KYAT1: variants seen among roughly 807,000 people sequenced by gnomAD.
The protein encoded by KYAT1 is kynurenine--oxoglutarate transaminase 1.
KYAT1 carries 47 observed loss-of-function variants against 52.4 expected under a neutral mutation model. That is an observed-to-expected ratio of 0.90 (90% confidence interval 0.71 to 1.14). The LOEUF (loss-of-function observed/expected upper bound fraction) is 1.14. Among genes scored for constraint, KYAT1 ranks in the 50% most tolerant of loss-of-function variants. The pLI is 0.00. For missense variants in KYAT1, 480 were observed against 557.9 expected (o/e 0.86, Z 1.41); for synonymous variants, 212 against 209.6 (o/e 1.01, Z -0.10).
intron 1 of KYAT1, among the ~76,000 whole-genome samples, chr9:128,852,063 A>G (rs2119304401): frequency 6.6e-6 from 1 of 152,302 alleles, no homozygotes; most frequent in Middle Eastern, 3.4e-3. Context: ...TATGGGTCAA[A>G]CAGTGGCCAC....
At chr9:128,834,086 C>T (rs1358139322) in intron 11 of KYAT1, among the ~76,000 whole-genome samples, 2 of 152,216 alleles carry the variant, frequency 1.3e-5, no homozygotes, top group East Asian at 3.9e-4. Flanking sequence ...GGCTAAACCC[C>T]GTCTCTACCA....
intron 1 of KYAT1, among the ~76,000 whole-genome samples, chr9:128,868,662 G>A (rs1258395703): frequency 2.0e-5 from 3 of 151,048 alleles, no homozygotes; most frequent in Non-Finnish European, 4.4e-5. Flanking sequence ...TCAATTTCCT[G>A]AGTAGCTGGG....
chr9:128,861,314 G>A (rs1041617911), intron 1 of KYAT1, among the ~76,000 whole-genome samples: 1 of 152,118 alleles, frequency 6.6e-6, no homozygotes, highest in Non-Finnish European at 1.5e-5. Context: ...CTGTGCTGGC[G>A]ATAATGAGTG....
chr9:128,841,500 C>T (rs1380183963), intron 3 of KYAT1, among the ~76,000 whole-genome samples: 1 of 150,624 alleles, frequency 6.6e-6, no homozygotes, highest in African/African-American at 2.4e-5. Flanking sequence ...CAGACTCCAG[C>T]CGGGGCGACA....
intron 6 of KYAT1, 46 bp from the exon 7 acceptor site, chr9:128,836,968 C>T: frequency 6.3e-7 from 1 of 1,593,688 alleles, no homozygotes; most frequent in South Asian, 1.1e-5. Context: ...GGGACCGTCC[C>T]CAAACACAGA....
At position 128,846,627 on chromosome 9, in the gene KYAT1, A is replaced by T. The variant is rs1388245274; in HGVS notation, c.-6-1216T>A. 11 of 1,018,972 alleles carry T rather than the reference A, an allele frequency of 1.1e-5. No individual in the cohort carries two copies. The African/African-American group carries it at 1.5e-4, about 14-fold the overall frequency. 63.1% of individuals were successfully genotyped at this position (1,018,972 alleles called of 1,614,324 possible). On this transcript the variant is annotated intron_variant, in intron 1 of 12. Coordinates refer to ENST00000302586, the MANE Select transcript of KYAT1 (RefSeq NM_004059.5). ...AAAAAAAAAAAAAAAAAAAAAAAAGAAAGAAAGAAATTGGCCAGACCTGAG... is the reference window on the plus strand; with the variant it reads ...AAAAAAAAAAAAAAAAAAAAAAAAGTAAGAAAGAAATTGGCCAGACCTGAG...
At chr9:128,872,449 A>G (rs967579639) in intron 1 of KYAT1, among the ~76,000 whole-genome samples, 9 of 151,068 alleles carry the variant, frequency 6.0e-5, no homozygotes, top group Non-Finnish European at 1.2e-4. Context: ...GACTCAAAAA[A>G]AACAAAACAA....
chr9:128,876,493 C>G (rs1319884843), intron 1 of KYAT1, among the ~76,000 whole-genome samples: 1 of 147,544 alleles, frequency 6.8e-6, no homozygotes, highest in East Asian at 2.0e-4. Context: ...TCTCAGCTAA[C>G]TGGAAGCTCC....
intron 1 of KYAT1, among the ~76,000 whole-genome samples, chr9:128,847,070 C>T (rs543653214): frequency 3.1e-3 from 474 of 152,268 alleles, no homozygotes; most frequent in Non-Finnish European, 6.0e-3. Flanking sequence ...AACACCAGGC[C>T]CCCCTGTCCT....
intron 1 of KYAT1, among the ~76,000 whole-genome samples, chr9:128,857,171 A>C (rs10115947): frequency 0.035 from 5,325 of 152,256 alleles, 100 homozygotes; most frequent in Middle Eastern, 0.078. Context: ...CCTTGAACTT[A>C]ATTATGACAT....
At chr9:128,864,174 A>G (rs1416921459) in intron 1 of KYAT1, among the ~76,000 whole-genome samples, 2 of 151,938 alleles carry the variant, frequency 1.3e-5, no homozygotes, top group African/African-American at 4.8e-5. Context: ...TGTCCTGGCT[A>G]ACACAGTGAA....
At chr9:128,839,582 G>A (rs915378874) in intron 3 of KYAT1, among the ~76,000 whole-genome samples, 1 of 151,842 alleles carries the variant, frequency 6.6e-6, no homozygotes, top group African/African-American at 2.4e-5. Flanking sequence ...CCGAGATCGC[G>A]CCACTGCACT....
At chr9:128,875,244 T>G (rs1588161603) in intron 1 of KYAT1, among the ~76,000 whole-genome samples, 1 of 148,798 alleles carries the variant, frequency 6.7e-6, no homozygotes, top group African/African-American at 2.6e-5. Context: ...ATTTGTTTTT[T>G]TTTGTTTTTT....
Position 128,849,665 on chromosome 9 carries a change from T to C in KYAT1, c.-6-4254A>G, listed in dbSNP as rs767849697. On this transcript the variant is annotated intron_variant, in intron 1 of 12. Transcript: ENST00000302586. ...ACAAAAAATTAGCCAGGCATGGTGG[T>C]TGGCACCTGTAATCCCAGCTACTCA... Among the ~76,000 whole-genome samples the C allele has an allele frequency of 2.2e-3, 321 of 147,894 alleles. 2 individuals are homozygous for C. The highest frequency in any genetic ancestry group is 4.3e-3 in the Admixed American group (63 of 14,746).
At chr9:128,836,453 CA>C (rs1032721793) in intron 7 of KYAT1, among the ~76,000 whole-genome samples, 18 of 152,164 alleles carry the variant, frequency 1.2e-4, no homozygotes, top group African/African-American at 3.9e-4. Flanking sequence ...CACGTGCCAC[CA>C]TGCCCAGCTA....
chr9:128,846,649 T>C, intron 1 of KYAT1: 3 of 1,296,138 alleles, frequency 2.3e-6, no homozygotes, highest in Non-Finnish European at 3.1e-6. Context: ...TGGCCAGACC[T>C]GAGAGCCACC....
intron 5 of KYAT1, 112 bp from the exon 6 acceptor site, chr9:128,837,925 C>T: frequency 2.0e-6 from 3 of 1,479,540 alleles, no homozygotes; most frequent in Admixed American, 1.7e-5. Flanking sequence ...CACACCTCCC[C>T]TCTGCCCTCC....
rs1434174810 is a variant in KYAT1 at position 128,835,368 on chromosome 9, A to G, written c.1077T>C (p.Asp359=). 1.1e-5 allele frequency: 18 copies of G among 1,613,742 alleles called. No homozygotes were observed. Among genetic ancestry groups the G allele is most frequent in the Non-Finnish European group, 1.4e-5 (17 of 1,179,844 alleles). The part of the protein sequence containing the change: ...RKMPDLPGAV[D]EPYDRRFVKW... Reference sequence around the variant, plus strand: ...TGACGAAGCGTCTGTCATAGGGCTCATCCACAGCTCCAGGCAAGTCAGGCA... The same window carrying G: ...TGACGAAGCGTCTGTCATAGGGCTCGTCCACAGCTCCAGGCAAGTCAGGCA... The change falls in exon 11 of 13, where the codon GAT becomes GAC. Residue 359 remains aspartate, a synonymous_variant. Transcript: ENST00000302586.
chr9:128,841,694 CAAA>C (rs71383615), intron 3 of KYAT1, among the ~76,000 whole-genome samples: 6 of 105,852 alleles, frequency 5.7e-5, no homozygotes, highest in Admixed American at 1.1e-4. Context: ...GACTCCATCT[CAAA>C]AAAAAAAAAA....
Sources: allele counts gnomAD v4.1 joint callset (sites outside exome capture counted in the v4.1 genomes callset), GRCh38; gene constraint gnomAD v4.1.1; transcripts MANE v1.5; gene names NCBI Gene and HGNC (gene_info 2026-07-23, HGNC 2026-07-21).